The following NECAB1 variants were observed in gnomAD, a reference collection of about 807,000 sequenced individuals.
The protein encoded by NECAB1 is N-terminal EF-hand calcium-binding protein 1.
A neutral mutation model predicts 57.5 loss-of-function variants in NECAB1; 29 were observed. The observed-to-expected ratio is 0.50, with a 90% confidence interval of 0.38 to 0.69. The LOEUF (loss-of-function observed/expected upper bound fraction) is 0.69. Among genes scored for constraint, NECAB1 ranks in the 30% least tolerant of loss-of-function variants. The pLI, the probability that NECAB1 is intolerant of heterozygous loss-of-function variation, is 0.00. For synonymous variants in NECAB1, 142 were observed against 147.7 expected (o/e 0.96, Z 0.28); for missense variants, 372 against 413.8 (o/e 0.90, Z 0.88).
At chr8:90,924,257 A>G (rs2130159407) in intron 6 of NECAB1, among the ~76,000 whole-genome samples, 1 of 152,338 alleles carries the variant, frequency 6.6e-6, no homozygotes, top group South Asian at 2.1e-4. Flanking sequence ...AGTAAGGAAG[A>G]TGTTTATTCA....
rs75919384 is a variant in NECAB1, at chr8:90,945,523, C to T, written c.861-4284C>T. Among the ~76,000 whole-genome samples the T allele has an allele frequency of 3.0e-3, 453 of 152,194 alleles. 1 individual carries two copies. Among genetic ancestry groups the T allele is most frequent in the African/African-American group, 6.6e-3 (274 of 41,526 alleles). On this transcript the variant is annotated intron_variant, in intron 10 of 12. Transcript: ENST00000417640. The stretch of plus-strand genomic sequence containing the variant: ...CCTCATTAATCAGTAATTATATAGA[C>T]GAAATAAATTAGTGACCCACAGCTT...
At chr8:90,892,524 C>T (rs1233345366) in intron 5 of NECAB1, among the ~76,000 whole-genome samples, 1 of 152,140 alleles carries the variant, frequency 6.6e-6, no homozygotes, top group Non-Finnish European at 1.5e-5. Flanking sequence ...TTAACCCCCG[C>T]AAAAGGTGAT....
intron 2 of NECAB1, among the ~76,000 whole-genome samples, chr8:90,811,911 T>A (rs1563493978): frequency 6.6e-6 from 1 of 152,308 alleles, no homozygotes; most frequent in East Asian, 1.9e-4. Flanking sequence ...ACTGAGGGTT[T>A]GGATGAAGTG....
At chr8:90,922,129 A>G (rs1039137748) in intron 6 of NECAB1, among the ~76,000 whole-genome samples, 1 of 152,254 alleles carries the variant, frequency 6.6e-6, no homozygotes, top group East Asian at 1.9e-4. Context: ...AGTATGTTAT[A>G]TGGAAGTTTC....
At chr8:90,861,065 T>C (rs1216440513) in intron 3 of NECAB1, among the ~76,000 whole-genome samples, 2 of 152,176 alleles carry the variant, frequency 1.3e-5, no homozygotes, top group African/African-American at 4.8e-5. Flanking sequence ...CTTTTGCAGA[T>C]TGCTTTATTT....
At chr8:90,905,285 A>G (rs1375418276) in intron 5 of NECAB1, among the ~76,000 whole-genome samples, 1 of 152,222 alleles carries the variant, frequency 6.6e-6, no homozygotes, top group Non-Finnish European at 1.5e-5. Flanking sequence ...AGTCCAATAT[A>G]GCTATGAAGA....
intron 1 of NECAB1, among the ~76,000 whole-genome samples, chr8:90,795,186 T>C (rs1811639994): frequency 6.6e-6 from 1 of 152,208 alleles, no homozygotes; most frequent in African/African-American, 2.4e-5. Flanking sequence ...GTAGCATGTG[T>C]CTCCTCTTTT....
At chr8:90,895,786 A>C (rs964610278) in intron 5 of NECAB1, among the ~76,000 whole-genome samples, 5 of 152,230 alleles carry the variant, frequency 3.3e-5, no homozygotes, top group Non-Finnish European at 7.3e-5. Context: ...GCCTGTGGCC[A>C]TAGAGGAAGT....
intron 2 of NECAB1, among the ~76,000 whole-genome samples, chr8:90,815,153 A>G (rs898171390): frequency 6.6e-6 from 1 of 152,052 alleles, no homozygotes; most frequent in Admixed American, 6.6e-5. Flanking sequence ...ATCCCAGTCT[A>G]CATGTGTACC....
chr8:90,939,139 G>C (rs529052141), intron 9 of NECAB1, among the ~76,000 whole-genome samples: 2 of 152,328 alleles, frequency 1.3e-5, no homozygotes, highest in South Asian at 4.1e-4. Context: ...TAGCAGAGTT[G>C]ACTAGCTGCA....
intron 5 of NECAB1, among the ~76,000 whole-genome samples, chr8:90,906,647 C>A (rs1002010561): frequency 4.6e-5 from 7 of 151,740 alleles, no homozygotes. Flanking sequence ...CACACTTTAC[C>A]TTTTATAGTG....
In NECAB1 at chr8:90,804,067, C is replaced by T. The variant is rs531708447; in HGVS notation, c.124+2352C>T. Among the ~76,000 whole-genome samples, 27 of 152,258 alleles carry T rather than the reference C, an allele frequency of 1.8e-4. No homozygotes were observed. The South Asian group carries it at 2.7e-3, about 15-fold the overall frequency. ...GGAGATTGTATTTCTCTAAGCCAAGCGTGCCTCTCTAAGGCAAGGAACTTA... is the reference window on the plus strand; with the variant it reads ...GGAGATTGTATTTCTCTAAGCCAAGTGTGCCTCTCTAAGGCAAGGAACTTA... On this transcript the variant is annotated intron_variant, in intron 2 of 12. Transcript: ENST00000417640.
rs113334901 is a variant in NECAB1, at chr8:90,878,833, A to C, written c.260-2200A>C. Among the ~76,000 whole-genome samples the C allele has an allele frequency of 2.0e-3, 297 of 151,562 alleles. 1 individual carries two copies. Among genetic ancestry groups the C allele is most frequent in the African/African-American group, 6.9e-3 (287 of 41,300 alleles). ...ATTTTAAAGTGGAAAGACAACTTAA[A>C]TTCTCTCCAGGAACCTTTACTAATT... On this transcript the variant is annotated intron_variant, in intron 4 of 12. Coordinates refer to ENST00000417640, the MANE Select transcript of NECAB1 (RefSeq NM_022351.5).
chr8:90,855,740 A>C (rs1563506858), intron 3 of NECAB1, among the ~76,000 whole-genome samples: 2 of 152,152 alleles, frequency 1.3e-5, no homozygotes, highest in Non-Finnish European at 2.9e-5. Context: ...TTGAGGGACT[A>C]GTTTTACCCA....
intron 3 of NECAB1, chr8:90,858,987 A>T (rs200140487): frequency 6.6e-6 from 1 of 150,456 alleles, no homozygotes. Context: ...CTGCAAAAAA[A>T]TGGAAATTCC....
intron 1 of NECAB1, among the ~76,000 whole-genome samples, chr8:90,793,967 C>T (rs1257567026): frequency 6.6e-6 from 1 of 152,122 alleles, no homozygotes; most frequent in Non-Finnish European, 1.5e-5. Flanking sequence ...CATCAGGTCC[C>T]TGTACTAAAG....
In NECAB1 at chr8:90,938,521, G is replaced by A. The variant is rs141815918; in HGVS notation, c.748-2265G>A. Among the ~76,000 whole-genome samples the A allele has an allele frequency of 4.3e-4, 65 of 152,258 alleles. 1 individual carries two copies. Among genetic ancestry groups the A allele is most frequent in the African/African-American group, 1.4e-3 (57 of 41,566 alleles). ...TCCTACAATTTGTTTCGGCCTAGCC[G>A]GAACAGAAAATTTAAGCGTTTTTTT... On this transcript the variant is annotated intron_variant, in intron 9 of 12. Transcript: ENST00000417640.
At chr8:90,868,468 T>A (rs987681305) in intron 3 of NECAB1, among the ~76,000 whole-genome samples, 1 of 152,110 alleles carries the variant, frequency 6.6e-6, no homozygotes, top group African/African-American at 2.4e-5. Flanking sequence ...GGCAGTGAAG[T>A]CCAGTCTGAG....
rs775800388 is a variant in NECAB1, at chr8:90,928,319, T to G, written c.693+20T>G. The G allele has an allele frequency of 2.6e-6, 4 of 1,553,842 alleles. No individual in the cohort carries two copies. Among genetic ancestry groups the G allele is most frequent in the Non-Finnish European group, 3.5e-6 (4 of 1,132,532 alleles). ...AAGAAGGTAGGTGCTTTCTTTTCTTTATTCTCTCTTCCACTCTTCAAGATA... is the reference window on the plus strand; with the variant it reads ...AAGAAGGTAGGTGCTTTCTTTTCTTGATTCTCTCTTCCACTCTTCAAGATA... On this transcript the variant is annotated intron_variant, in intron 8 of 12. Coordinates refer to ENST00000417640, the MANE Select transcript of NECAB1 (RefSeq NM_022351.5).
Sources: allele counts gnomAD v4.1 joint callset (sites outside exome capture counted in the v4.1 genomes callset), GRCh38; gene constraint gnomAD v4.1.1; transcripts MANE v1.5; gene names NCBI Gene and HGNC (gene_info 2026-07-23, HGNC 2026-07-21).